Variants in RNLS observed in about 807,000 individuals in gnomAD.
RNLS encodes the protein renalase.
RNLS carries 39 observed loss-of-function variants against 39.8 expected under a neutral mutation model. The observed-to-expected ratio is 0.98, with a 90% CI of 0.76 to 1.28. RNLS has a LOEUF of 1.28. Among genes scored for constraint, RNLS ranks in the 50% most tolerant of loss-of-function variants. The pLI is 0.00. For missense variants in RNLS, 410 were observed against 413.3 expected (o/e 0.99, Z 0.07); for synonymous variants, 147 against 150.7 (o/e 0.98, Z 0.18).
intron 4 of RNLS, among the ~76,000 whole-genome samples, chr10:88,454,441 C>T (rs1046413817): frequency 2.6e-5 from 4 of 152,164 alleles, no homozygotes; most frequent in African/African-American, 2.4e-5. Context: ...CTGTTTAAGC[C>T]ATGTTCTCAC....
chr10:88,296,325 C>G (rs1469365800), intron 6 of RNLS, among the ~76,000 whole-genome samples: 4 of 152,172 alleles, frequency 2.6e-5, no homozygotes, highest in Non-Finnish European at 5.9e-5. Context: ...CTGGGCCTCA[C>G]TACTACCTCT....
chr10:88,230,078 G>T, the RNLS span, among the ~76,000 whole-genome samples: 2 of 152,010 alleles, frequency 1.3e-5, no homozygotes, highest in Non-Finnish European at 2.9e-5. Context: ...GGAGTTGTCT[G>T]GGACAAATCA....
the RNLS span, among the ~76,000 whole-genome samples, chr10:88,234,691 G>C: frequency 6.6e-6 from 1 of 152,286 alleles, no homozygotes; most frequent in East Asian, 1.9e-4. Flanking sequence ...GGTCCGTCCT[G>C]AGTTTCAAGA....
chr10:88,364,936 CT>C (rs1229280329), intron 4 of RNLS, among the ~76,000 whole-genome samples: 3 of 152,050 alleles, frequency 2.0e-5, no homozygotes, highest in Non-Finnish European at 4.4e-5. Context: ...GTGTAGTTAG[CT>C]ACTTAGTAAC....
chr10:88,283,099 T>A (rs536985308), downstream of RNLS, among the ~76,000 whole-genome samples: 2 of 152,174 alleles, frequency 1.3e-5, no homozygotes, highest in African/African-American at 4.8e-5. Flanking sequence ...GAGTTTGATA[T>A]CTTAGCCTTG....
chr10:88,546,747 C>T (rs1481666735), intron 4 of RNLS, among the ~76,000 whole-genome samples: 1 of 152,020 alleles, frequency 6.6e-6, no homozygotes. Flanking sequence ...AGAAATAATC[C>T]AGGCAAGAAA....
chr10:88,550,911 A>T (rs1472411592), intron 4 of RNLS, among the ~76,000 whole-genome samples: 4 of 152,210 alleles, frequency 2.6e-5, no homozygotes, highest in Non-Finnish European at 5.9e-5. Flanking sequence ...ATAGATTGGC[A>T]TTTGCCCGAG....
rs1843149076 is a variant in RNLS, at chr10:88,284,676, T to C, written c.*678A>G. The C allele has an allele frequency of 1.0e-6, 1 of 985,022 alleles. No individual in the cohort carries two copies. Among genetic ancestry groups the C allele is most frequent in the African/African-American group, 1.7e-5 (1 of 57,234 alleles). The allele number at this position is 985,022 out of a possible 1,614,324, so 61.0% of individuals were successfully genotyped here. A position where few individuals can be genotyped will look rare whatever the true frequency, so the allele number is the denominator to read the frequency against. On this transcript the variant is annotated 3_prime_UTR_variant, in exon 7 of 7. Coordinates refer to ENST00000331772, the MANE Select transcript of RNLS (RefSeq NM_001031709.3). The stretch of plus-strand genomic sequence containing the variant: ...TCTGTTTCTATTTAATTTTTATCTT[T>C]CATATTAGGACTGGAATTTGTTTGA...
chr10:88,178,396 A>G, the RNLS span, among the ~76,000 whole-genome samples: 1 of 152,108 alleles, frequency 6.6e-6, no homozygotes, highest in African/African-American at 2.4e-5. Context: ...ATGCAGCCAC[A>G]TTGGCTCCAG....
intron 4 of RNLS, among the ~76,000 whole-genome samples, chr10:88,558,180 C>T (rs1054547156): frequency 4.6e-5 from 7 of 152,056 alleles, no homozygotes; most frequent in African/African-American, 1.4e-4. Context: ...GGATAAATTG[C>T]TAGGAGAGGG....
Position 88,285,403 on chromosome 10 carries a change from C to A in RNLS, c.980G>T (p.Cys327Phe), listed in dbSNP as rs1199420140. 1 of 1,612,578 alleles carries A rather than the reference C, an allele frequency of 6.2e-7. No homozygotes were observed. The highest frequency in any genetic ancestry group is 1.3e-5 in the African/African-American group (1 of 74,818). Residue 327 changes from cysteine (C) to phenylalanine (F), a missense_variant, in exon 7 of 7, where the codon TGC becomes TTC. Transcript: ENST00000331772. Reference protein sequence around the residue: ...DGFTQSNFDGCITSALCVLEA... With the variant: ...DGFTQSNFDGFITSALCVLEA... ...CAGAACACATAGGGCAGAAGTGATGCAGCCATCAAAGTTGGACTGAGTAAA... is the reference window on the plus strand; with the variant it reads ...CAGAACACATAGGGCAGAAGTGATGAAGCCATCAAAGTTGGACTGAGTAAA...
intron 5 of RNLS, among the ~76,000 whole-genome samples, chr10:88,314,875 T>C (rs1213776001): frequency 2.0e-5 from 3 of 152,202 alleles, no homozygotes; most frequent in Non-Finnish European, 4.4e-5. Flanking sequence ...CAGATATTGC[T>C]AAAGAACTGG....
intron 4 of RNLS, among the ~76,000 whole-genome samples, chr10:88,407,074 A>G (rs901863176): frequency 3.9e-5 from 6 of 152,112 alleles, no homozygotes; most frequent in African/African-American, 1.4e-4. Context: ...GGTGAGGGAT[A>G]AAAGACTACA....
chr10:88,203,390 GTA>G, the RNLS span, among the ~76,000 whole-genome samples: 2 of 8,172 alleles, frequency 2.4e-4, 1 homozygote, highest in African/African-American at 1.4e-3. Flanking sequence ...ATATATACAC[GTA>G]TGTGTATATA....
chr10:88,204,090 G>T, the RNLS span, among the ~76,000 whole-genome samples: 1 of 152,184 alleles, frequency 6.6e-6, no homozygotes, highest in South Asian at 2.1e-4. Flanking sequence ...TGAACCCAGA[G>T]CCCATTTTCC....
chr10:88,189,719 G>C, the RNLS span, among the ~76,000 whole-genome samples: 1 of 152,186 alleles, frequency 6.6e-6, no homozygotes, highest in Non-Finnish European at 1.5e-5. Context: ...TGAAACAGAA[G>C]TTTTAGCATT....
chr10:88,417,448 T>G (rs1854098738), intron 4 of RNLS, among the ~76,000 whole-genome samples: 1 of 152,244 alleles, frequency 6.6e-6, no homozygotes, highest in Non-Finnish European at 1.5e-5. Context: ...TCCACATTTA[T>G]GGAGAATTTT....
chr10:88,305,646 G>A (rs1252688430), intron 6 of RNLS, among the ~76,000 whole-genome samples: 1 of 152,100 alleles, frequency 6.6e-6, no homozygotes, highest in Non-Finnish European at 1.5e-5. Context: ...AAATATATAT[G>A]CACCCAATAC....
intron 5 of RNLS, among the ~76,000 whole-genome samples, chr10:88,340,169 T>C (rs1427687881): frequency 6.6e-6 from 1 of 152,328 alleles, no homozygotes; most frequent in Admixed American, 6.5e-5. Flanking sequence ...GGAGGTGAGA[T>C]TTCCAGGTTC....
Sources: allele counts gnomAD v4.1 joint callset (sites outside exome capture counted in the v4.1 genomes callset), GRCh38; gene constraint gnomAD v4.1.1; transcripts MANE v1.5; gene names NCBI Gene and HGNC (gene_info 2026-07-23, HGNC 2026-07-21).